LMO4: variants seen among roughly 807,000 people sequenced by gnomAD.
LMO4 encodes LIM domain only 4.
LMO4 carries 3 observed loss-of-function variants against 18.5 expected under a neutral mutation model. The ratio of observed to expected loss-of-function variants is 0.16; its 90% confidence interval spans 0.07 to 0.42. The LOEUF (loss-of-function observed/expected upper bound fraction) is 0.42, where lower values mean the gene tolerates loss of function less well. Among genes scored for constraint, LMO4 ranks in the 10% least tolerant of loss-of-function variants. LMO4 has a pLI of 0.99. For missense variants in LMO4, 121 were observed against 219.9 expected (o/e 0.55, Z 2.84); for synonymous variants, 100 against 88.1 (o/e 1.14, Z -0.76).
In LMO4 at chr1:87,341,557, G is replaced by A. The variant is rs529849303; in HGVS notation, c.489+1355G>A. 2.6e-5 allele frequency among the ~76,000 whole-genome samples: 4 copies of A among 152,214 alleles called. No homozygotes were observed. In the South Asian group the frequency reaches 8.3e-4, roughly 32 times the overall value. ...TAATGCATTTTCTTAGTGCGGTGGT[G>A]GAGGTGGGGGTTTGACAAATATTTG... On this transcript the variant is annotated intron_variant, in intron 4 of 4. Transcript: ENST00000370544.
intron 1 of LMO4, 133 bp from the exon 2 acceptor site, chr1:87,331,880 C>T (rs1650164318): frequency 5.7e-6 from 4 of 703,482 alleles, no homozygotes; most frequent in South Asian, 1.8e-5. Flanking sequence ...CCTTCCCGCC[C>T]TTGCCCTGCT....
intron 2 of LMO4, among the ~76,000 whole-genome samples, chr1:87,338,053 T>G (rs1650363049): frequency 6.6e-6 from 1 of 152,336 alleles, no homozygotes; most frequent in East Asian, 1.9e-4. Flanking sequence ...TTCTCGGGCT[T>G]CCTATTAAAA....
intron 2 of LMO4, among the ~76,000 whole-genome samples, chr1:87,334,258 G>A (rs546495838): frequency 1.3e-5 from 2 of 152,270 alleles, no homozygotes; most frequent in South Asian, 4.2e-4. Context: ...CTACCCCGAG[G>A]ACCTTAGATC....
chr1:87,339,821 A>G (rs1240256607), intron 3 of LMO4, among the ~76,000 whole-genome samples, 189 bp downstream of exon 3: 4 of 152,164 alleles, frequency 2.6e-5, no homozygotes, highest in African/African-American at 7.2e-5. Flanking sequence ...CCCCTATGCC[A>G]CAGACAGAAG....
At chr1:87,336,014 C>G (rs1469318195) in intron 2 of LMO4, among the ~76,000 whole-genome samples, 1 of 152,180 alleles carries the variant, frequency 6.6e-6, no homozygotes, top group Admixed American at 6.5e-5. Flanking sequence ...ATTAACCAAG[C>G]GTAATTTGGC....
chr1:87,342,660 C>T (rs1422809228), intron 4 of LMO4, among the ~76,000 whole-genome samples: 10 of 152,028 alleles, frequency 6.6e-5, no homozygotes, highest in African/African-American at 2.4e-4. Flanking sequence ...AGAACATTTC[C>T]CTGTTGGCGT....
At chr1:87,333,503 A>G (rs755469698) in intron 2 of LMO4, among the ~76,000 whole-genome samples, 2 of 152,182 alleles carry the variant, frequency 1.3e-5, no homozygotes, top group Non-Finnish European at 2.9e-5. Flanking sequence ...TTATCCTGCG[A>G]CTAACATTGT....
intron 2 of LMO4, among the ~76,000 whole-genome samples, chr1:87,335,043 G>T (rs1160627519): frequency 2.0e-5 from 3 of 151,060 alleles, no homozygotes; most frequent in African/African-American, 7.3e-5. Flanking sequence ...ATGAAGGGGG[G>T]GGGGTTGTAG....
chr1:87,332,362 A>G (rs2100774330), intron 2 of LMO4, 111 bp downstream of exon 2: 2 of 776,208 alleles, frequency 2.6e-6, no homozygotes, highest in South Asian at 3.6e-5. Flanking sequence ...TGCAGCCTTC[A>G]CCTCAAAAAT....
chr1:87,330,310 T>A (rs1052827668), intron 1 of LMO4, among the ~76,000 whole-genome samples: 1 of 152,046 alleles, frequency 6.6e-6, no homozygotes, highest in African/African-American at 2.4e-5. Context: ...GATTAAAACG[T>A]TGGGGGAAAC....
At position 87,348,898 on chromosome 1, in the gene LMO4, C is replaced by A. The variant is rs1650710569; in HGVS notation, c.*4102C>A. 2.3e-6 allele frequency: 1 copy of A among 428,534 alleles called. No homozygotes were observed. Among genetic ancestry groups the A allele is most frequent in the Non-Finnish European group, 4.7e-6 (1 of 212,972 alleles). The allele number at this position is 428,534 out of a possible 1,614,324, so 26.5% of individuals were successfully genotyped here. ...GGCCATTCTATTTCCTAAATCACAA[C>A]TAATAAAGCAGAGGATGAAAATCAA... is the stretch of plus-strand genomic sequence containing the variant. On this transcript the variant is annotated 3_prime_UTR_variant, in exon 5 of 5. Transcript: ENST00000370544.
At chr1:87,336,212 A>G (rs944645303) in intron 2 of LMO4, among the ~76,000 whole-genome samples, 3 of 152,122 alleles carry the variant, frequency 2.0e-5, no homozygotes, top group Admixed American at 2.0e-4. Context: ...AAATATAGGA[A>G]CCTGCTGGAA....
intron 4 of LMO4, among the ~76,000 whole-genome samples, chr1:87,343,472 G>T (rs1456186471): frequency 1.3e-5 from 2 of 152,124 alleles, no homozygotes; most frequent in Non-Finnish European, 2.9e-5. Flanking sequence ...GTAGATTGCT[G>T]CCTGTTCTGG....
intron 4 of LMO4, among the ~76,000 whole-genome samples, chr1:87,343,308 C>G (rs1650545872): frequency 1.3e-5 from 2 of 152,168 alleles, no homozygotes; most frequent in Non-Finnish European, 2.9e-5. Context: ...TGAAATCTTG[C>G]ATTTCAGATG....
chr1:87,334,954 T>G (rs1650259081), intron 2 of LMO4, among the ~76,000 whole-genome samples: 1 of 150,454 alleles, frequency 6.6e-6, no homozygotes, highest in South Asian at 2.1e-4. Context: ...CCGAATGACG[T>G]GTCCGCAATG....
At chr1:87,334,778 T>C (rs570608711) in intron 2 of LMO4, among the ~76,000 whole-genome samples, 13 of 152,158 alleles carry the variant, frequency 8.5e-5, no homozygotes, top group Non-Finnish European at 1.6e-4. Context: ...CAAGTGTCGA[T>C]GGGCAGAGCT....
intron 4 of LMO4, among the ~76,000 whole-genome samples, chr1:87,343,719 A>G (rs1650555628): frequency 6.6e-6 from 1 of 152,210 alleles, no homozygotes; most frequent in South Asian, 2.1e-4. Context: ...CTGCTGCTGC[A>G]TCTTTGTTCT....
At chr1:87,339,367 AG>A (rs1474451268) in intron 2 of LMO4, among the ~76,000 whole-genome samples, 168 bp from the exon 3 acceptor site, 3 of 152,238 alleles carry the variant, frequency 2.0e-5, no homozygotes, top group Non-Finnish European at 2.9e-5. Context: ...TCCCACAAAA[AG>A]GATTTTTCCC....
intron 2 of LMO4, among the ~76,000 whole-genome samples, chr1:87,337,773 C>T (rs756212384): frequency 2.8e-4 from 43 of 152,196 alleles, no homozygotes; most frequent in African/African-American, 7.2e-4. Context: ...AACTCCCCTG[C>T]GGCAGTGGTA....
Sources: allele counts gnomAD v4.1 joint callset (sites outside exome capture counted in the v4.1 genomes callset), GRCh38; gene constraint gnomAD v4.1.1; transcripts MANE v1.5; gene names NCBI Gene and HGNC (gene_info 2026-07-23, HGNC 2026-07-21).